TRIM33: variants seen among roughly 807,000 people sequenced by gnomAD.
The protein encoded by TRIM33 is E3 ubiquitin-protein ligase TRIM33.
TRIM33 carries 20 observed loss-of-function variants against 125.4 expected under a neutral mutation model. That is an observed-to-expected ratio of 0.16 (90% CI 0.11 to 0.23). The LOEUF is 0.23. TRIM33 is among the 10% of genes least tolerant of loss of function. The pLI is 1.00. For missense variants in TRIM33, 920 were observed against 1,411.4 expected (o/e 0.65, Z 5.58); for synonymous variants, 564 against 513.9 (o/e 1.10, Z -1.32).
intron 1 of TRIM33, among the ~76,000 whole-genome samples, chr1:114,482,866 A>G (rs1047776314): frequency 6.6e-6 from 1 of 152,202 alleles, no homozygotes; most frequent in African/African-American, 2.4e-5. Flanking sequence ...CCTCCCCAGA[A>G]GCAGAAGCCT....
rs2101071501 is a variant in TRIM33 at position 114,397,318 on chromosome 1, C to T, written c.*330G>A. 2.6e-6 allele frequency: 1 copy of T among 384,562 alleles called. No homozygotes were observed. Among genetic ancestry groups the T allele is most frequent in the Non-Finnish European group, 4.7e-6 (1 of 211,394 alleles). 23.8% of individuals were successfully genotyped at this position (384,562 alleles called of 1,614,324 possible). On this transcript the variant is annotated 3_prime_UTR_variant, in exon 20 of 20. Transcript: ENST00000358465. The stretch of plus-strand genomic sequence containing the variant: ...AGTATTTACTCGTATACCAAGTATC[C>T]TGCACCAATCAATAGCACACAATCA...
chr1:114,462,408 T>G lies in TRIM33; in HGVS notation c.923+696A>C, dbSNP rs145030760. ...TTTTTGGCAATAGATTAATAAAATC[T>G]ATTCCCATCCAGCCATAAAAACTGT... is the stretch of plus-strand genomic sequence containing the variant. On this transcript the variant is annotated intron_variant, in intron 4 of 19. Coordinates refer to ENST00000358465, the MANE Select transcript of TRIM33 (RefSeq NM_015906.4). Among the ~76,000 whole-genome samples, 14 of 152,298 alleles carry G rather than the reference T, an allele frequency of 9.2e-5. No homozygotes were observed. In the East Asian group the frequency reaches 2.7e-3, roughly 29 times the overall value.
chr1:114,464,071 A>G (rs1385900599), intron 2 of TRIM33, among the ~76,000 whole-genome samples, 199 bp downstream of exon 2: 1 of 152,126 alleles, frequency 6.6e-6, no homozygotes, highest in Non-Finnish European at 1.5e-5. Context: ...GCCTGGCCCA[A>G]ATTTGACATT....
chr1:114,427,245 G>A lies in TRIM33; in HGVS notation c.1352C>T (p.Pro451Leu), dbSNP rs962992586. The stretch of plus-strand genomic sequence containing the variant: ...GAAACGTATTGCTCCATTAGCAGCA[G>A]GGACAGGATCACACCGTGCTTTCAA... ...HILKARCDPV[P>L]AANGAIRFHC... Residue 451 changes from proline to leucine, a missense_variant, in exon 8 of 20, where the codon CCT becomes CTT. This residue lies in a region of TRIM33 where 407 missense variants were observed against 589.7 expected (regional missense o/e 0.69). Coordinates refer to ENST00000358465, the MANE Select transcript of TRIM33 (RefSeq NM_015906.4). The A allele has an allele frequency of 3.7e-6, 6 of 1,607,752 alleles. No individual in the cohort carries two copies. Among genetic ancestry groups the A allele is most frequent in the Non-Finnish European group, 5.1e-6 (6 of 1,176,060 alleles).
At chr1:114,482,699 T>C (rs1404507744) in intron 1 of TRIM33, among the ~76,000 whole-genome samples, 1 of 152,210 alleles carries the variant, frequency 6.6e-6, no homozygotes, top group African/African-American at 2.4e-5. Context: ...GGGGCAGATT[T>C]CCCCTTTGCT....
intron 11 of TRIM33, among the ~76,000 whole-genome samples, chr1:114,414,989 ATTTTTTTTT>A (rs56960865): frequency 3.8e-5 from 4 of 104,704 alleles, no homozygotes; most frequent in Non-Finnish European, 7.5e-5. Flanking sequence ...GGTAGATTCT[ATTTTTTTTT>A]TTTTTTTTTT....
At chr1:114,421,961 C>T (rs1572034712) in intron 10 of TRIM33, among the ~76,000 whole-genome samples, 2 of 152,144 alleles carry the variant, frequency 1.3e-5, no homozygotes, top group African/African-American at 2.4e-5. Flanking sequence ...AACTACCATT[C>T]GGTCATTATT....
chr1:114,408,435 TC>T (rs1439912057), intron 13 of TRIM33, among the ~76,000 whole-genome samples: 10 of 151,556 alleles, frequency 6.6e-5, no homozygotes, highest in Non-Finnish European at 1.2e-4. Flanking sequence ...TTTTTAAAGT[TC>T]CTTTCATTAA....
chr1:114,409,506 A>C (rs1652448572), intron 12 of TRIM33, among the ~76,000 whole-genome samples: 2 of 151,942 alleles, frequency 1.3e-5, no homozygotes, highest in Admixed American at 1.3e-4. Context: ...ACTTGGAACC[A>C]AAGAACTCTT....
At position 114,397,580 on chromosome 1, in the gene TRIM33, G is replaced by A; in HGVS notation, c.*68C>T. 9.3e-7 allele frequency: 1 copy of A among 1,075,176 alleles called. No individual in the cohort carries two copies. The highest frequency in any genetic ancestry group is 1.2e-6 in the Non-Finnish European group (1 of 802,070). The allele number at this position is 1,075,176 out of a possible 1,614,324, so 66.6% of individuals were successfully genotyped here. On this transcript the variant is annotated 3_prime_UTR_variant, in exon 20 of 20. Coordinates refer to ENST00000358465, the MANE Select transcript of TRIM33 (RefSeq NM_015906.4). ...CCAGCAACACTTAAAAGTTTTCTGG[G>A]TTTTTTGTGTTTTTTTTTTTTTTTT...
intron 13 of TRIM33, 41 bp from the exon 14 acceptor site, chr1:114,407,141 A>C: frequency 2.0e-6 from 3 of 1,536,210 alleles, no homozygotes; most frequent in Non-Finnish European, 2.7e-6. Flanking sequence ...ACGTTTGACT[A>C]TATGGTATAA....
At chr1:114,474,530 T>C (rs1405603870) in intron 1 of TRIM33, among the ~76,000 whole-genome samples, 1 of 139,968 alleles carries the variant, frequency 7.1e-6, no homozygotes, top group African/African-American at 2.7e-5. Flanking sequence ...GCTAGGATCA[T>C]GCCACTCTAC....
At chr1:114,399,433 T>C (rs755192244) in intron 18 of TRIM33, 24 bp downstream of exon 18, 11 of 1,603,768 alleles carry the variant, frequency 6.9e-6, no homozygotes, top group Non-Finnish European at 9.4e-6. Flanking sequence ...AAATCAAGAC[T>C]CTATAGGTTG....
intron 4 of TRIM33, 47 bp from the exon 5 acceptor site, chr1:114,433,780 A>C: frequency 8.3e-7 from 1 of 1,210,786 alleles, no homozygotes; most frequent in Non-Finnish European, 1.2e-6. Context: ...ATTTATGATT[A>C]AGATTTTGGA....
At chr1:114,476,434 G>A (rs916153664) in intron 1 of TRIM33, among the ~76,000 whole-genome samples, 9 of 151,978 alleles carry the variant, frequency 5.9e-5, no homozygotes, top group Non-Finnish European at 1.2e-4. Flanking sequence ...ATTTCCATCT[G>A]TAGACTTAAA....
chr1:114,406,753 C>A (rs1652268696), intron 14 of TRIM33, among the ~76,000 whole-genome samples, 188 bp downstream of exon 14: 1 of 152,178 alleles, frequency 6.6e-6, no homozygotes, highest in Admixed American at 6.5e-5. Context: ...TAAGTCTTTT[C>A]TGATTAATTA....
intron 4 of TRIM33, among the ~76,000 whole-genome samples, chr1:114,450,658 G>C (rs1649256325): frequency 6.6e-6 from 1 of 152,130 alleles, no homozygotes; most frequent in African/African-American, 2.4e-5. Context: ...CTCCCAAAGT[G>C]CTAGGACTAC....
At chr1:114,490,458 C>T (rs1433974387) in intron 1 of TRIM33, among the ~76,000 whole-genome samples, 1 of 152,068 alleles carries the variant, frequency 6.6e-6, no homozygotes, top group East Asian at 1.9e-4. Context: ...AATGCTAAAG[C>T]CACTTCAGAT....
At chr1:114,483,761 TCAAA>T (rs1455635575) in intron 1 of TRIM33, among the ~76,000 whole-genome samples, 11 of 152,042 alleles carry the variant, frequency 7.2e-5, no homozygotes, top group Non-Finnish European at 1.0e-4. Flanking sequence ...AATACAAACC[TCAAA>T]CAAACTCTTT....
Sources: gnomAD v4.1 joint callset for allele counts (sites outside exome capture counted in the v4.1 genomes callset) on GRCh38, gnomAD v4.1.1 for gene constraint, gnomAD v4.1.1 regional missense constraint, MANE v1.5 for transcripts, NCBI Gene and HGNC (gene_info 2026-07-23, HGNC 2026-07-21) for gene names.